The following TMEM132D variants were observed in gnomAD, a reference collection of about 807,000 sequenced individuals.
The protein encoded by TMEM132D is transmembrane protein 132D, also known as mature OL transmembrane protein.
In TMEM132D, 21 loss-of-function variants were observed where a neutral mutation model predicts 62.3. The observed-to-expected ratio is 0.34, with a 90% confidence interval of 0.24 to 0.49. The LOEUF (loss-of-function observed/expected upper bound fraction) is 0.49, where lower values mean the gene tolerates loss of function less well. Among genes scored for constraint, TMEM132D ranks in the 20% least tolerant of loss-of-function variants. TMEM132D has a pLI of 0.99. For synonymous variants in TMEM132D, 621 were observed against 575.6 expected, an observed-to-expected ratio of 1.08 and a Z score of -1.13; for missense variants, 1,346 against 1,402.8, an observed-to-expected ratio of 0.96 and a Z score of 0.65.
At chr12:129,507,921 C>A (rs1347428337) in intron 3 of TMEM132D, among the ~76,000 whole-genome samples, 1 of 152,090 alleles carries the variant, frequency 6.6e-6, no homozygotes, top group Non-Finnish European at 1.5e-5. Flanking sequence ...ATATGTTAGA[C>A]ACCAAAACTC....
chr12:129,144,396 A>G (rs887073005), intron 5 of TMEM132D, among the ~76,000 whole-genome samples: 1 of 152,206 alleles, frequency 6.6e-6, no homozygotes, highest in African/African-American at 2.4e-5. Flanking sequence ...AGCAAGCATC[A>G]TAAGAACAGA....
intron 3 of TMEM132D, among the ~76,000 whole-genome samples, chr12:129,351,447 T>G (rs1054490931): frequency 3.9e-5 from 6 of 152,250 alleles, no homozygotes; most frequent in African/African-American, 1.4e-4. Flanking sequence ...CTGAGGAAAC[T>G]TCTCAGATTA....
At position 129,605,043 on chromosome 12, in the gene TMEM132D, C is replaced by T. The variant is rs144631569; in HGVS notation, c.969-73838G>A. On this transcript the variant is annotated intron_variant, in intron 2 of 8. Coordinates refer to ENST00000422113, the MANE Select transcript of TMEM132D (RefSeq NM_133448.3). ...TTTTCCTGTTCATTGTATAGATATG[C>T]ATAAAAGTAAGTCACTTACCCTTAA... 3.9e-5 allele frequency among the ~76,000 whole-genome samples: 6 copies of T among 152,288 alleles called. No homozygotes were observed. The East Asian group carries it at 1.2e-3, about 29-fold the overall frequency.
intron 3 of TMEM132D, among the ~76,000 whole-genome samples, chr12:129,442,835 T>C (rs1194379607): frequency 2.0e-5 from 3 of 152,120 alleles, no homozygotes; most frequent in South Asian, 2.1e-4. Flanking sequence ...TGTGTATTCA[T>C]CTTGGTGTCT....
rs556641297 is a variant in TMEM132D, at chr12:129,478,433, G to T, written c.1115+52626C>A. The stretch of plus-strand genomic sequence containing the variant: ...CGGAACCACCATCTCATGTATGGTT[G>T]AGCTTTGACAGAAGCATCACTATGC... On this transcript the variant is annotated intron_variant, in intron 3 of 8. Transcript: ENST00000422113. 3.9e-5 allele frequency among the ~76,000 whole-genome samples: 6 copies of T among 152,338 alleles called. 1 individual carries two copies. The East Asian group carries it at 1.2e-3, about 29-fold the overall frequency.
intron 1 of TMEM132D, among the ~76,000 whole-genome samples, chr12:129,879,128 A>G (rs965733023): frequency 1.3e-5 from 2 of 152,212 alleles, no homozygotes; most frequent in African/African-American, 4.8e-5. Context: ...CAAGTGATAT[A>G]TTTAAAAACT....
intron 4 of TMEM132D, among the ~76,000 whole-genome samples, chr12:129,302,039 C>T (rs900256): frequency 0.6 from 90,877 of 152,192 alleles, 28,547 homozygotes; most frequent in East Asian, 0.99. Flanking sequence ...CTGTGAATCC[C>T]AGTGGTTTTC....
intron 1 of TMEM132D, among the ~76,000 whole-genome samples, chr12:129,777,885 G>T (rs188486722): frequency 6.6e-6 from 1 of 152,214 alleles, no homozygotes; most frequent in Non-Finnish European, 1.5e-5. Flanking sequence ...TGTAATCCCA[G>T]CACTTCGGGA....
chr12:129,474,716 A>G (rs1266247998), intron 3 of TMEM132D, among the ~76,000 whole-genome samples: 1 of 152,154 alleles, frequency 6.6e-6, no homozygotes, highest in African/African-American at 2.4e-5. Flanking sequence ...GGGGAGTGCA[A>G]AGGTGAGGGC....
intron 1 of TMEM132D, among the ~76,000 whole-genome samples, chr12:129,886,224 G>A (rs1329768865): frequency 6.6e-6 from 1 of 152,160 alleles, no homozygotes; most frequent in African/African-American, 2.4e-5. Flanking sequence ...GGATGGTAGT[G>A]TTAAGCTCCT....
chr12:129,703,574 T>C (rs752693809), intron 1 of TMEM132D, among the ~76,000 whole-genome samples: 2 of 152,176 alleles, frequency 1.3e-5, no homozygotes, highest in Non-Finnish European at 2.9e-5. Context: ...GAATGGTTAC[T>C]GTCACTAAAG....
chr12:129,150,353 G>T (rs562144423), intron 5 of TMEM132D, among the ~76,000 whole-genome samples: 1 of 152,270 alleles, frequency 6.6e-6, no homozygotes, highest in East Asian at 1.9e-4. Flanking sequence ...AACACTCACT[G>T]GGGACTCTGT....
chr12:129,231,884 G>A (rs1879649866), intron 4 of TMEM132D, among the ~76,000 whole-genome samples: 1 of 152,210 alleles, frequency 6.6e-6, no homozygotes, highest in Non-Finnish European at 1.5e-5. Context: ...TCTCAACCAA[G>A]TCTACAGAAT....
At chr12:129,384,062 C>A (rs920492188) in intron 3 of TMEM132D, among the ~76,000 whole-genome samples, 1 of 152,122 alleles carries the variant, frequency 6.6e-6, no homozygotes, top group African/African-American at 2.4e-5. Context: ...CATAACACAT[C>A]GTAAAAAAAG....
At chr12:129,809,263 A>G (rs1052504392) in intron 1 of TMEM132D, among the ~76,000 whole-genome samples, 3 of 150,496 alleles carry the variant, frequency 2.0e-5, no homozygotes, top group African/African-American at 7.3e-5. Flanking sequence ...AGCTGAGATC[A>G]TGCCACTGCA....
chr12:129,190,091 T>A, intron 5 of TMEM132D, among the ~76,000 whole-genome samples: 2 of 109,840 alleles, frequency 1.8e-5, no homozygotes, highest in Admixed American at 9.9e-5. Context: ...GAAGGGAGTC[T>A]CAGGCTTGCA....
intron 2 of TMEM132D, among the ~76,000 whole-genome samples, chr12:129,588,624 G>T (rs916064513): frequency 4.0e-5 from 6 of 151,784 alleles, no homozygotes; most frequent in African/African-American, 1.5e-4. Context: ...ACCCAGGCTG[G>T]AGTGCAGTGG....
chr12:129,794,984 C>G (rs1312974101), intron 1 of TMEM132D, among the ~76,000 whole-genome samples: 1 of 152,164 alleles, frequency 6.6e-6, no homozygotes, highest in East Asian at 1.9e-4. Flanking sequence ...ATCAGCTTCT[C>G]CTTTGGCACC....
chr12:129,430,886 G>A (rs1276691584), intron 3 of TMEM132D, among the ~76,000 whole-genome samples: 1 of 151,964 alleles, frequency 6.6e-6, no homozygotes, highest in African/African-American at 2.4e-5. Context: ...GCTCAGGAGA[G>A]TGGGGGGAGA....
Sources: allele counts gnomAD v4.1 joint callset (sites outside exome capture counted in the v4.1 genomes callset), GRCh38; gene constraint gnomAD v4.1.1; transcripts MANE v1.5; gene names NCBI Gene and HGNC (gene_info 2026-07-23, HGNC 2026-07-21).